CARD9: variants seen among roughly 807,000 people sequenced by gnomAD.
The protein encoded by CARD9 is caspase recruitment domain-containing protein 9.
A neutral mutation model predicts 66.0 loss-of-function variants in CARD9; 53 were observed. The ratio of observed to expected loss-of-function variants is 0.80; its 90% confidence interval spans 0.64 to 1.01. CARD9 has a LOEUF of 1.01. Ranked by LOEUF, CARD9 falls within the 50% of genes least tolerant of loss-of-function variation. The pLI, the probability that CARD9 is intolerant of heterozygous loss-of-function variation, is 0.00. For missense variants in CARD9, 769 were observed against 743.2 expected, an observed-to-expected ratio of 1.03 and a Z score of -0.40; for synonymous variants, 387 against 313.8, an observed-to-expected ratio of 1.23 and a Z score of -2.47.
chr9:136,368,090 C>A, intron 7 of CARD9: 1 of 1,261,642 alleles, frequency 7.9e-7, no homozygotes, highest in Non-Finnish European at 1.0e-6. Flanking sequence ...GCTATGTACC[C>A]CCACACGTGC....
intron 7 of CARD9, among the ~76,000 whole-genome samples, chr9:136,369,170 G>T (rs1833196663): frequency 6.6e-6 from 1 of 151,986 alleles, no homozygotes; most frequent in South Asian, 2.1e-4. Context: ...TGCCCAGGCT[G>T]CTCTGGAACT....
At chr9:136,367,438 C>A in intron 8 of CARD9, 181 bp from the exon 9 acceptor site, 1 of 926,056 alleles carries the variant, frequency 1.1e-6, no homozygotes, top group Middle Eastern at 2.2e-4. Context: ...CAGGACCCAC[C>A]CCGGCCCTGC....
chr9:136,370,549 C>G lies in CARD9; in HGVS notation c.780G>C (p.Arg260=), dbSNP rs1373637003. Residue 260 remains arginine (R), a synonymous_variant, in exon 5 of 13, where the codon CGG becomes CGC. Transcript: ENST00000371732. ...LQQEKALLQA[R]VQELEASVQE... ...GGACGGAGGCCTCCAGCTCCTGCAC[C>G]CGGGCCTGGAGCAGGGCCTTCTCCT... 1 of 1,606,338 alleles carries G rather than the reference C, an allele frequency of 6.2e-7. No homozygotes were observed. The highest frequency in any genetic ancestry group is 2.2e-5 in the East Asian group (1 of 44,494).
intron 9 of CARD9, 85 bp downstream of exon 9, chr9:136,367,131 C>T: frequency 6.9e-7 from 1 of 1,449,412 alleles, no homozygotes; most frequent in Non-Finnish European, 9.5e-7. Flanking sequence ...ATGTGACGGG[C>T]AGTGTGGGGC....
intron 10 of CARD9, 73 bp from the exon 11 acceptor site, chr9:136,365,290 C>T: frequency 7.0e-7 from 1 of 1,433,694 alleles, no homozygotes; most frequent in Admixed American, 1.8e-5. Flanking sequence ...CCCCACCCCT[C>T]CCCGGCATTG....
At position 136,370,963 on chromosome 9, in the gene CARD9, C is replaced by G. The variant is rs751776187; in HGVS notation, c.505G>C (p.Glu169Gln). ...ERVQRLKEEC[E>Q]AGSRELKRCK... ...CGCTTGAGCTCGCGGCTGCCGGCCT[C>G]GCACTCCTCCTTGAGCCTCTGCACA... Residue 169 changes from glutamate to glutamine, a missense_variant, in exon 4 of 13, where the codon GAG becomes CAG. Physicochemically the swap from Glu to Gln is conservative, Grantham distance 29. Coordinates refer to ENST00000371732, the MANE Select transcript of CARD9 (RefSeq NM_052813.5). 3 of 1,610,736 alleles carry G rather than the reference C, an allele frequency of 1.9e-6. No homozygotes were observed. The East Asian group carries it at 6.7e-5, about 36-fold the overall frequency.
intron 2 of CARD9, 62 bp from the exon 3 acceptor site, chr9:136,371,523 T>TGGGGGGGGGGGGGGG: frequency 1.2e-5 from 5 of 420,208 alleles, no homozygotes; most frequent in Non-Finnish European, 1.6e-5. Context: ...CTGGGGTGGG[T>TGGGGGGGGGGGGGGG]GGGCCTGGGG....
At chr9:136,368,099 G>T (rs1345560794) in intron 7 of CARD9, 1 of 1,222,090 alleles carries the variant, frequency 8.2e-7, no homozygotes, top group Admixed American at 3.5e-5. Context: ...CCCCACACGT[G>T]CACATTTGAT....
chr9:136,367,966 A>G (rs907350338), intron 7 of CARD9, 138 bp from the exon 8 acceptor site: 3 of 1,437,084 alleles, frequency 2.1e-6, no homozygotes, highest in African/African-American at 1.4e-5. Context: ...CAGCCCCTCC[A>G]TTTGTGTGCT....
At chr9:136,369,983 T>C (rs974534700) in intron 6 of CARD9, 108 bp from the exon 7 acceptor site, 102 of 1,560,548 alleles carry the variant, frequency 6.5e-5, no homozygotes, top group Middle Eastern at 5.8e-4. Context: ...CCAGTTGGGA[T>C]GTCGGGGGAG....
rs1833060032 is a variant in CARD9, at chr9:136,364,321, GTGT to G, written c.1589_1591del (p.Asn530del). On this transcript the variant is annotated inframe_deletion, in exon 13 of 13. Transcript: ENST00000371732. Reference sequence around the variant, plus strand: ...CTGCGGCTAGGAGCCCTCAGTGTCGGTGTTGTCGCTGCCCGTGGTGTTCTCCCG... The same window carrying G: ...CTGCGGCTAGGAGCCCTCAGTGTCGGTGTCGCTGCCCGTGGTGTTCTCCCG... 2 of 1,562,668 alleles carry G rather than the reference GTGT, an allele frequency of 1.3e-6. No homozygotes were observed. Among genetic ancestry groups the G allele is most frequent in the East Asian group, 2.4e-5 (1 of 42,204 alleles).
intron 7 of CARD9, among the ~76,000 whole-genome samples, chr9:136,368,447 G>A (rs1440499604): frequency 3.3e-5 from 5 of 152,244 alleles, no homozygotes; most frequent in South Asian, 2.1e-4. Context: ...TGGGCCAGGC[G>A]CGAGTGAGGC....
chr9:136,369,554 C>T lies in CARD9; in HGVS notation c.1077+196G>A, dbSNP rs1230633930. 2.6e-5 allele frequency among the ~76,000 whole-genome samples: 4 copies of T among 152,212 alleles called. No individual in the cohort carries two copies. In the East Asian group the frequency reaches 7.7e-4, roughly 29 times the overall value. On this transcript the variant is annotated intron_variant, in intron 7 of 12. Transcript: ENST00000371732. ...GGTGTGGCAGCTCAGCTTGCAATCC[C>T]AGCACTTTGGGAGGCTGAGGCCGGA...
chr9:136,372,656 G>A (rs970490070), intron 1 of CARD9, among the ~76,000 whole-genome samples: 5 of 152,208 alleles, frequency 3.3e-5, no homozygotes, highest in Non-Finnish European at 7.3e-5. Flanking sequence ...CCTGACCGAC[G>A]CCTGCTCACA....
intron 10 of CARD9, chr9:136,365,463 T>A (rs1344559867): frequency 3.6e-6 from 2 of 559,544 alleles, no homozygotes; most frequent in Non-Finnish European, 6.4e-6. Flanking sequence ...CCAGTGACCA[T>A]CCCTCCCCCG....
chr9:136,365,325 G>T, intron 10 of CARD9, 108 bp from the exon 11 acceptor site: 2 of 1,043,260 alleles, frequency 1.9e-6, no homozygotes, highest in Non-Finnish European at 2.9e-6. Context: ...TCCAAGGCCT[G>T]GTGGGATCCC....
Position 136,363,969 on chromosome 9 carries a change from T to C in CARD9, c.*333A>G, listed in dbSNP as rs1430304760. The stretch of plus-strand genomic sequence containing the variant: ...TCCGAGCGGGAATGCGGGTCACCCG[T>C]GCTGTTTATTTACGCAGCTGTGTTT... On this transcript the variant is annotated 3_prime_UTR_variant, in exon 13 of 13. Coordinates refer to ENST00000371732, the MANE Select transcript of CARD9 (RefSeq NM_052813.5). 17 of 1,069,194 alleles carry C rather than the reference T, an allele frequency of 1.6e-5. No individual in the cohort carries two copies. The highest frequency in any genetic ancestry group is 7.7e-5 in the East Asian group (3 of 38,764). 66.2% of individuals were successfully genotyped at this position (1,069,194 alleles called of 1,614,324 possible). A position where few individuals can be genotyped will look rare whatever the true frequency, so the allele number is the denominator to read the frequency against.
intron 10 of CARD9, 177 bp from the exon 11 acceptor site, chr9:136,365,394 G>C (rs1833099180): frequency 1.6e-6 from 1 of 618,912 alleles, no homozygotes. Context: ...TTATGGCCTC[G>C]CTTGCCTGTT....
At chr9:136,364,735 C>T (rs1235621296) in intron 11 of CARD9, 176 bp from the exon 12 acceptor site, 3 of 658,028 alleles carry the variant, frequency 4.6e-6, no homozygotes, top group Non-Finnish European at 7.7e-6. Context: ...TGGAGGTGAG[C>T]CGGTGTGGGT....
Sources: allele counts gnomAD v4.1 joint callset (sites outside exome capture counted in the v4.1 genomes callset), GRCh38; gene constraint gnomAD v4.1.1; transcripts MANE v1.5; gene names NCBI Gene and HGNC (gene_info 2026-07-23, HGNC 2026-07-21).